RFX3: variants seen among roughly 807,000 people sequenced by gnomAD.
RFX3 encodes transcription factor RFX3.
RFX3 carries 14 observed loss-of-function variants against 98.6 expected under a neutral mutation model. The ratio of observed to expected loss-of-function variants is 0.14; its 90% confidence interval spans 0.09 to 0.22. The LOEUF is 0.22. Among genes scored for constraint, RFX3 ranks in the 10% least tolerant of loss-of-function variants. The probability of loss-of-function intolerance (pLI) is 1.00; values close to 1 mark genes in which losing one functional copy is unlikely to be tolerated. For missense variants in RFX3, 639 were observed against 926.9 expected, an observed-to-expected ratio of 0.69 and a Z score of 4.03; for synonymous variants, 383 against 328.4, an observed-to-expected ratio of 1.17 and a Z score of -1.80.
intron 3 of RFX3, among the ~76,000 whole-genome samples, chr9:3,341,479 A>G (rs1389120670): frequency 6.6e-6 from 1 of 152,088 alleles, no homozygotes; most frequent in African/African-American, 2.4e-5. Context: ...ATTGTATTGT[A>G]ATGTGGAGAA....
chr9:3,286,801 AG>A (rs1174827004), intron 7 of RFX3, among the ~76,000 whole-genome samples: 1 of 151,908 alleles, frequency 6.6e-6, no homozygotes, highest in Non-Finnish European at 1.5e-5. Flanking sequence ...CTGTAATACC[AG>A]CCTCAATAAA....
intron 7 of RFX3, among the ~76,000 whole-genome samples, chr9:3,282,636 T>C (rs1009194018): frequency 4.0e-5 from 6 of 151,764 alleles, no homozygotes; most frequent in African/African-American, 7.2e-5. Context: ...AATTTCTTCA[T>C]TGAGTCCTCT....
chr9:3,521,011 T>C (rs928383369), intron 1 of RFX3, among the ~76,000 whole-genome samples: 1 of 152,216 alleles, frequency 6.6e-6, no homozygotes, highest in African/African-American at 2.4e-5. Context: ...ACTATTTTAT[T>C]ATGAATTAGC....
chr9:3,337,018 G>T (rs1019230492), intron 3 of RFX3, among the ~76,000 whole-genome samples: 1 of 152,196 alleles, frequency 6.6e-6, no homozygotes, highest in Non-Finnish European at 1.5e-5. Context: ...AAAAGCCACT[G>T]TTACAGACTA....
chr9:3,247,810 G>T (rs777882106), intron 15 of RFX3: 5 of 1,606,500 alleles, frequency 3.1e-6, no homozygotes, highest in South Asian at 1.1e-5. Context: ...CACATTCCAT[G>T]AACTTTCACA....
At chr9:3,307,806 G>T (rs1358313115) in intron 4 of RFX3, among the ~76,000 whole-genome samples, 1 of 152,146 alleles carries the variant, frequency 6.6e-6, no homozygotes, top group Admixed American at 6.6e-5. Context: ...ATTAACAAGA[G>T]GCCTTGTGAC....
chr9:3,450,615 T>C (rs1039230093), intron 1 of RFX3, among the ~76,000 whole-genome samples: 4 of 152,226 alleles, frequency 2.6e-5, no homozygotes, highest in African/African-American at 9.6e-5. Flanking sequence ...ATTTTCCTAA[T>C]GGAGTTTAAA....
At chr9:3,376,920 C>T (rs1408260787) in intron 2 of RFX3, among the ~76,000 whole-genome samples, 3 of 152,042 alleles carry the variant, frequency 2.0e-5, no homozygotes, top group Non-Finnish European at 2.9e-5. Context: ...GTTAGAATGG[C>T]GATCATTAAA....
rs575240442 is a variant in RFX3, at chr9:3,398,484, C to T, written c.-8-2888G>A. ...TGCAAAGAATAAGGAATGAACCAGACATTAGATATCATCTTCTGTGAGGTC... is the reference window on the plus strand; with the variant it reads ...TGCAAAGAATAAGGAATGAACCAGATATTAGATATCATCTTCTGTGAGGTC... On this transcript the variant is annotated intron_variant, in intron 1 of 16. Coordinates refer to ENST00000617270, the MANE Select transcript of RFX3 (RefSeq NM_001282116.2). 7.2e-5 allele frequency among the ~76,000 whole-genome samples: 11 copies of T among 152,308 alleles called. 2 individuals carry two copies. Among genetic ancestry groups the T allele is most frequent in the African/African-American group, 2.6e-4 (11 of 41,578 alleles).
intron 3 of RFX3, among the ~76,000 whole-genome samples, chr9:3,345,766 C>T (rs987243177): frequency 6.6e-6 from 1 of 152,156 alleles, no homozygotes; most frequent in Non-Finnish European, 1.5e-5. Context: ...GTCATGCACA[C>T]TTCTGGTGTT....
chr9:3,507,292 A>G (rs1433685873), intron 1 of RFX3, among the ~76,000 whole-genome samples: 1 of 151,904 alleles, frequency 6.6e-6, no homozygotes, highest in African/African-American at 2.4e-5. Flanking sequence ...TTCTAATAGA[A>G]TAAAGGATGA....
At chr9:3,504,956 ATTATATATAATATATATTATATAAT>A (rs1816751127) in intron 1 of RFX3, among the ~76,000 whole-genome samples, 2 of 61,734 alleles carry the variant, frequency 3.2e-5, no homozygotes, top group Admixed American at 3.2e-4. Flanking sequence ...TATAATATAT[ATTATATATAATATATATTATATAAT>A]ATATATGTTA....
intron 1 of RFX3, among the ~76,000 whole-genome samples, chr9:3,501,875 T>C (rs1447005641): frequency 6.6e-6 from 1 of 151,806 alleles, no homozygotes; most frequent in African/African-American, 2.4e-5. Context: ...TTTTTAATAT[T>C]AAAATTTATT....
chr9:3,373,845 G>C (rs979133949), intron 2 of RFX3, among the ~76,000 whole-genome samples: 1 of 152,188 alleles, frequency 6.6e-6, no homozygotes. Flanking sequence ...TTGGGAGGCA[G>C]AGGCAGGCAG....
At chr9:3,349,260 T>C (rs1045610291) in intron 2 of RFX3, among the ~76,000 whole-genome samples, 5 of 152,022 alleles carry the variant, frequency 3.3e-5, no homozygotes, top group Non-Finnish European at 7.4e-5. Flanking sequence ...GGTTTCAAAA[T>C]AAAAATATCA....
chr9:3,287,261 A>G (rs1360775594), intron 7 of RFX3, among the ~76,000 whole-genome samples: 3 of 151,936 alleles, frequency 2.0e-5, no homozygotes, highest in South Asian at 2.1e-4. Context: ...ACTAATCACT[A>G]CAGATCATTA....
chr9:3,240,568 A>G (rs1563784815), intron 15 of RFX3, among the ~76,000 whole-genome samples: 1 of 152,184 alleles, frequency 6.6e-6, no homozygotes, highest in Non-Finnish European at 1.5e-5. Flanking sequence ...ACAAGCATCA[A>G]TCAGGTTTGA....
intron 1 of RFX3, among the ~76,000 whole-genome samples, chr9:3,458,342 T>G (rs1338216058): frequency 6.6e-6 from 1 of 151,964 alleles, no homozygotes; most frequent in South Asian, 2.1e-4. Flanking sequence ...TTTAAAAGAG[T>G]GCTGAGGTCA....
chr9:3,248,807 G>C (rs959278082), intron 14 of RFX3, among the ~76,000 whole-genome samples: 1 of 151,980 alleles, frequency 6.6e-6, no homozygotes. Context: ...TTAGAAATAA[G>C]CACAATAAAA....
Sources: gnomAD v4.1 joint callset for allele counts (sites outside exome capture counted in the v4.1 genomes callset) on GRCh38, gnomAD v4.1.1 for gene constraint, MANE v1.5 for transcripts, NCBI Gene and HGNC (gene_info 2026-07-23, HGNC 2026-07-21) for gene names.